PRKG1: variants seen among roughly 807,000 people sequenced by gnomAD.
PRKG1 encodes cGMP-dependent protein kinase 1.
Under a neutral mutation model 88.1 loss-of-function variants are expected in PRKG1, and 35 were observed. That is an observed-to-expected ratio of 0.40 (90% confidence interval 0.30 to 0.53). The LOEUF (loss-of-function observed/expected upper bound fraction) is 0.53, where lower values mean the gene tolerates loss of function less well. Among genes scored for constraint, PRKG1 ranks in the 20% least tolerant of loss-of-function variants. The pLI is 0.59. For synonymous variants in PRKG1, 303 were observed against 292.5 expected (o/e 1.04, Z -0.37); for missense variants, 540 against 839.8 (o/e 0.64, Z 4.41).
At chr10:51,177,495 A>G (rs969475922) in intron 2 of PRKG1, among the ~76,000 whole-genome samples, 1 of 152,178 alleles carries the variant, frequency 6.6e-6, no homozygotes, top group African/African-American at 2.4e-5. Flanking sequence ...AAAGACTCCA[A>G]GCCTTTCAAT....
chr10:51,033,277 G>A (rs936676329), intron 1 of PRKG1, among the ~76,000 whole-genome samples: 1 of 152,090 alleles, frequency 6.6e-6, no homozygotes, highest in African/African-American at 2.4e-5. Flanking sequence ...TTCCATTCCT[G>A]ATATAGGCAC....
intron 5 of PRKG1, among the ~76,000 whole-genome samples, chr10:52,017,500 A>G (rs1426123983): frequency 1.3e-5 from 2 of 152,162 alleles, no homozygotes; most frequent in Non-Finnish European, 2.9e-5. Flanking sequence ...AGTAGGTACC[A>G]CTGGTGATTC....
intron 9 of PRKG1, among the ~76,000 whole-genome samples, chr10:52,177,683 T>A (rs564504081): frequency 6.6e-6 from 1 of 152,074 alleles, no homozygotes; most frequent in African/African-American, 2.4e-5. Context: ...TTGTTATTGG[T>A]CTGTTAAAGT....
chr10:51,101,873 C>T (rs141790275), intron 1 of PRKG1, among the ~76,000 whole-genome samples: 35 of 152,242 alleles, frequency 2.3e-4, no homozygotes, highest in African/African-American at 7.7e-4. Context: ...AAAATTGAGG[C>T]TAAAAATAGA....
chr10:51,168,842 A>G (rs1277720377), intron 2 of PRKG1, among the ~76,000 whole-genome samples: 1 of 152,204 alleles, frequency 6.6e-6, no homozygotes, highest in African/African-American at 2.4e-5. Flanking sequence ...ACACAGATCA[A>G]CAATAGGCAA....
intron 4 of PRKG1, among the ~76,000 whole-genome samples, chr10:51,862,732 T>G (rs887302032): frequency 2.0e-5 from 3 of 152,112 alleles, no homozygotes; most frequent in African/African-American, 7.2e-5. Flanking sequence ...AGGTTGGGTT[T>G]CTCTGGGGAC....
chr10:51,823,122 T>A (rs1191563329), intron 4 of PRKG1, among the ~76,000 whole-genome samples: 1 of 152,182 alleles, frequency 6.6e-6, no homozygotes, highest in Admixed American at 6.6e-5. Flanking sequence ...AGTCACTATT[T>A]AACATGGTAA....
intron 3 of PRKG1, among the ~76,000 whole-genome samples, chr10:51,669,051 A>G (rs1028935269): frequency 1.3e-5 from 2 of 152,136 alleles, no homozygotes; most frequent in East Asian, 1.9e-4. Flanking sequence ...CGCCATCCCA[A>G]TTTTTTAAAA....
intron 7 of PRKG1, among the ~76,000 whole-genome samples, chr10:52,080,033 A>C (rs1021105596): frequency 1.3e-5 from 2 of 152,252 alleles, no homozygotes; most frequent in East Asian, 3.9e-4. Context: ...TAAACACCAA[A>C]TTTATTATTT....
chr10:51,091,584 G>A (rs1015121928), intron 1 of PRKG1, among the ~76,000 whole-genome samples: 1 of 152,054 alleles, frequency 6.6e-6, no homozygotes, highest in Admixed American at 6.6e-5. Flanking sequence ...TTGTTATATT[G>A]GACACTAAAT....
chr10:51,687,334 A>G (rs1841021216), intron 3 of PRKG1, among the ~76,000 whole-genome samples: 1 of 152,172 alleles, frequency 6.6e-6, no homozygotes, highest in African/African-American at 2.4e-5. Flanking sequence ...CCTTTGAACT[A>G]TTCTTGTTAT....
intron 3 of PRKG1, 24 bp from the exon 4 acceptor site, chr10:51,804,561 T>G: frequency 6.7e-7 from 1 of 1,494,912 alleles, no homozygotes; most frequent in Non-Finnish European, 9.3e-7. Flanking sequence ...TTTCCCTGTT[T>G]GTTTCTCTTT....
intron 7 of PRKG1, among the ~76,000 whole-genome samples, chr10:52,079,604 G>T (rs1308059957): frequency 6.6e-6 from 1 of 152,066 alleles, no homozygotes; most frequent in African/African-American, 2.4e-5. Context: ...TAGAGGCAAG[G>T]TTCACTGTTT....
rs1842779292 is a variant in PRKG1, at chr10:50,991,328, C to CCAGCCGCCGCCGCCGCCGCCGCT, written c.-51_-50insCAGCCGCCGCCGCCGCCGCCGCT. 1 of 1,465,844 alleles carries CCAGCCGCCGCCGCCGCCGCCGCT rather than the reference C, an allele frequency of 6.8e-7. No individual in the cohort carries two copies. Among genetic ancestry groups the CCAGCCGCCGCCGCCGCCGCCGCT allele is most frequent in the Non-Finnish European group, 9.1e-7 (1 of 1,104,716 alleles). The allele number at this position is 1,465,844 out of a possible 1,614,324, so 90.8% of individuals were successfully genotyped here. A position where few individuals can be genotyped will look rare whatever the true frequency, so the allele number is the denominator to read the frequency against. On this transcript the variant is annotated 5_prime_UTR_variant, in exon 1 of 18. Transcript: ENST00000401604. The surrounding 1 kb of genome is among the most constrained non-coding windows in gnomAD (Gnocchi z 4.5). ...CCGTCCCAGCCGCCGCCGCCGCCGC[C>CCAGCCGCCGCCGCCGCCGCCGCT]GCCGCCGCCGCCGCCCGAGAAAAAG...
At chr10:51,205,694 T>C (rs750576723) in intron 2 of PRKG1, among the ~76,000 whole-genome samples, 4 of 151,244 alleles carry the variant, frequency 2.6e-5, no homozygotes, top group African/African-American at 9.7e-5. Flanking sequence ...GCCACCACAC[T>C]GGCAAATTTT....
At chr10:51,466,974 A>G (rs1478318900) in intron 2 of PRKG1, among the ~76,000 whole-genome samples, 2 of 152,182 alleles carry the variant, frequency 1.3e-5, no homozygotes, top group Admixed American at 6.5e-5. Context: ...TGAAATTCTT[A>G]GTCTACATAG....
At chr10:51,505,150 A>G (rs1427115882) in intron 3 of PRKG1, among the ~76,000 whole-genome samples, 1 of 152,146 alleles carries the variant, frequency 6.6e-6, no homozygotes, top group Non-Finnish European at 1.5e-5. Context: ...CATCCCATCA[A>G]TACCTAATTT....
At chr10:52,168,039 A>T (rs1838538900) in intron 9 of PRKG1, among the ~76,000 whole-genome samples, 2 of 152,220 alleles carry the variant, frequency 1.3e-5, no homozygotes, top group African/African-American at 4.8e-5. Flanking sequence ...CTCATGCACC[A>T]GCATCACCCA....
intron 5 of PRKG1, among the ~76,000 whole-genome samples, chr10:52,016,602 AG>A (rs1845046708): frequency 6.6e-6 from 1 of 152,230 alleles, no homozygotes; most frequent in South Asian, 2.1e-4. Context: ...TGCTTTATAA[AG>A]AAAGGTAATG....
Sources: gnomAD v4.1 joint callset for allele counts (sites outside exome capture counted in the v4.1 genomes callset) on GRCh38, gnomAD v4.1.1 for gene constraint, Gnocchi (gnomAD v3.1) non-coding constraint, MANE v1.5 for transcripts, NCBI Gene and HGNC (gene_info 2026-07-23, HGNC 2026-07-21) for gene names.